Variants in VRK1 observed in about 807,000 individuals in gnomAD.
VRK1 encodes the protein serine/threonine-protein kinase VRK1.
Under a neutral mutation model 57.1 loss-of-function variants are expected in VRK1, and 33 were observed. That is an observed-to-expected ratio of 0.58 (90% confidence interval 0.44 to 0.77). The LOEUF is 0.77. VRK1 is among the 30% of genes least tolerant of loss of function. The pLI is 0.00. For missense variants in VRK1, 413 were observed against 477.3 expected (o/e 0.87, Z 1.25); for synonymous variants, 137 against 147.8 (o/e 0.93, Z 0.53).
intron 5 of VRK1, among the ~76,000 whole-genome samples, chr14:96,848,076 A>G (rs1887785925): frequency 6.6e-6 from 1 of 152,192 alleles, no homozygotes; most frequent in South Asian, 2.1e-4. Flanking sequence ...TATATTGCTT[A>G]GGATGATTTC....
intron 11 of VRK1, among the ~76,000 whole-genome samples, chr14:96,873,940 A>G (rs1888926585): frequency 6.6e-6 from 1 of 152,212 alleles, no homozygotes; most frequent in African/African-American, 2.4e-5. Flanking sequence ...TGCTTAAAGC[A>G]CAGGTGTTTC....
At chr14:96,852,558 G>C (rs996712686) in intron 5 of VRK1, among the ~76,000 whole-genome samples, 5 of 152,072 alleles carry the variant, frequency 3.3e-5, no homozygotes, top group African/African-American at 9.7e-5. Flanking sequence ...AACTTGTTGG[G>C]TTCTCTCTGT....
chr14:96,861,991 A>G (rs1402038681), intron 11 of VRK1, among the ~76,000 whole-genome samples: 1 of 152,210 alleles, frequency 6.6e-6, no homozygotes, highest in Admixed American at 6.5e-5. Flanking sequence ...TAGCTTGTAT[A>G]GTGTTTTTCT....
chr14:96,842,526 G>T lies in VRK1; in HGVS notation c.217-3569G>T, dbSNP rs1887505511. On this transcript the variant is annotated intron_variant, in intron 3 of 12. Coordinates refer to ENST00000216639, the MANE Select transcript of VRK1 (RefSeq NM_003384.3). The stretch of plus-strand genomic sequence containing the variant: ...AGTATGAAGGTTGTCTTATAAAATG[G>T]CTATTTATGAAGAAAATACATCAAA... 3.3e-5 allele frequency among the ~76,000 whole-genome samples: 5 copies of T among 152,148 alleles called. No individual in the cohort carries two copies. The South Asian group carries it at 1.0e-3, about 32-fold the overall frequency.
intron 1 of VRK1, among the ~76,000 whole-genome samples, chr14:96,820,650 TAA>T (rs1258139788): frequency 1.3e-5 from 2 of 152,170 alleles, no homozygotes; most frequent in Non-Finnish European, 2.9e-5. Flanking sequence ...CAGCAAACAA[TAA>T]GTCATTAGCC....
At chr14:96,802,318 A>G (rs76192328) in intron 1 of VRK1, among the ~76,000 whole-genome samples, 9,707 of 152,308 alleles carry the variant, frequency 0.064, 346 homozygotes, top group South Asian at 0.11. Flanking sequence ...ATGCTCGTAG[A>G]AGCCTTGTTT....
chr14:96,870,718 A>G (rs544774607), intron 11 of VRK1, among the ~76,000 whole-genome samples: 92 of 152,270 alleles, frequency 6.0e-4, no homozygotes, highest in African/African-American at 2.2e-3. Context: ...TGTGCTTGCT[A>G]TTATTGTATG....
intron 5 of VRK1, among the ~76,000 whole-genome samples, chr14:96,850,988 C>G (rs1349550577): frequency 6.6e-6 from 1 of 152,094 alleles, no homozygotes; most frequent in Non-Finnish European, 1.5e-5. Flanking sequence ...TTAGTAAAAG[C>G]CAACATGTAT....
At chr14:96,828,830 T>C (rs1242297327) in intron 1 of VRK1, among the ~76,000 whole-genome samples, 3 of 152,336 alleles carry the variant, frequency 2.0e-5, no homozygotes, top group East Asian at 3.9e-4. Context: ...GCCCTGCTTA[T>C]ACCTGGCTGA....
At chr14:96,838,593 G>T (rs1566699677) in intron 3 of VRK1, among the ~76,000 whole-genome samples, 1 of 152,112 alleles carries the variant, frequency 6.6e-6, no homozygotes, top group South Asian at 2.1e-4. Context: ...ATGTATTAGG[G>T]TTCTCTAGAG....
chr14:96,859,512 A>C (rs1335345526), intron 10 of VRK1, among the ~76,000 whole-genome samples: 1 of 152,192 alleles, frequency 6.6e-6, no homozygotes, highest in African/African-American at 2.4e-5. Context: ...TTTTTTGTAC[A>C]TCTCCTTTAT....
At chr14:96,823,800 AT>A (rs1260158142) in intron 1 of VRK1, among the ~76,000 whole-genome samples, 2 of 152,178 alleles carry the variant, frequency 1.3e-5, no homozygotes, top group Non-Finnish European at 2.9e-5. Context: ...CCTCTGGCTT[AT>A]TTCACTTAGC....
chr14:96,813,528 A>G (rs1886283977), intron 1 of VRK1, among the ~76,000 whole-genome samples: 1 of 152,090 alleles, frequency 6.6e-6, no homozygotes, highest in Non-Finnish European at 1.5e-5. Flanking sequence ...GTGTTAGTAT[A>G]TTAAAAAAAC....
At chr14:96,801,806 C>T (rs937996991) in intron 1 of VRK1, among the ~76,000 whole-genome samples, 3 of 151,966 alleles carry the variant, frequency 2.0e-5, no homozygotes, top group African/African-American at 4.8e-5. Flanking sequence ...GTTCATGAAG[C>T]GGAAGTGGGC....
chr14:96,811,259 T>G (rs1157129875), intron 1 of VRK1, among the ~76,000 whole-genome samples: 3 of 152,182 alleles, frequency 2.0e-5, no homozygotes, highest in Non-Finnish European at 2.9e-5. Flanking sequence ...CTGTGTCCCT[T>G]GCCAGGAGCT....
intron 11 of VRK1, among the ~76,000 whole-genome samples, chr14:96,874,776 T>G (rs1888960767): frequency 6.6e-6 from 1 of 152,216 alleles, no homozygotes; most frequent in Admixed American, 6.5e-5. Context: ...TTGGAGGTTT[T>G]AAGGTAATGT....
chr14:96,870,102 AAACT>A (rs1888758332), intron 11 of VRK1, among the ~76,000 whole-genome samples: 1 of 152,182 alleles, frequency 6.6e-6, no homozygotes, highest in African/African-American at 2.4e-5. Context: ...TTGACCCTTT[AAACT>A]TTAGGTTATC....
At chr14:96,834,290 A>T (rs1887129743) in intron 2 of VRK1, among the ~76,000 whole-genome samples, 1 of 152,006 alleles carries the variant, frequency 6.6e-6, no homozygotes. Context: ...CTGTGTTCTC[A>T]CTCTACTTCC....
intron 12 of VRK1, among the ~76,000 whole-genome samples, chr14:96,880,669 C>T (rs994193639): frequency 1.1e-4 from 17 of 152,306 alleles, no homozygotes; most frequent in African/African-American, 2.4e-4. Context: ...TAATTCCTAG[C>T]GGAAAAGACT....
Sources: allele counts gnomAD v4.1 joint callset (sites outside exome capture counted in the v4.1 genomes callset), GRCh38; gene constraint gnomAD v4.1.1; transcripts MANE v1.5; gene names NCBI Gene and HGNC (gene_info 2026-07-23, HGNC 2026-07-21).